Variants in COL19A1 observed in about 807,000 individuals in gnomAD.
The protein encoded by COL19A1 is collagen alpha-1(XIX) chain.
A neutral mutation model predicts 190.2 loss-of-function variants in COL19A1; 159 were observed. The observed-to-expected ratio is 0.84, with a 90% CI of 0.73 to 0.95. The LOEUF (loss-of-function observed/expected upper bound fraction) is 0.95. Among genes scored for constraint, COL19A1 ranks in the 40% least tolerant of loss-of-function variants. The pLI is 0.00. For synonymous variants in COL19A1, 509 were observed against 458.9 expected, an observed-to-expected ratio of 1.11 and a Z score of -1.39; for missense variants, 1,418 against 1,431.9, an observed-to-expected ratio of 0.99 and a Z score of 0.16.
chr6:70,007,747 A>C (rs1777724919), intron 11 of COL19A1, among the ~76,000 whole-genome samples: 1 of 151,904 alleles, frequency 6.6e-6, no homozygotes, highest in Non-Finnish European at 1.5e-5. Flanking sequence ...TTCATAAAAC[A>C]CTCCACCCAA....
intron 9 of COL19A1, among the ~76,000 whole-genome samples, chr6:69,958,971 T>C (rs1774600788): frequency 6.6e-6 from 1 of 152,234 alleles, no homozygotes; most frequent in African/African-American, 2.4e-5. Context: ...AAATTAATTG[T>C]AAATATTTGA....
At chr6:70,069,882 A>T (rs2095627749) in intron 15 of COL19A1, among the ~76,000 whole-genome samples, 1 of 152,114 alleles carries the variant, frequency 6.6e-6, no homozygotes, top group South Asian at 2.1e-4. Context: ...AAATGATTTG[A>T]ATCCTGTTTT....
At chr6:70,043,043 T>C (rs920304394) in intron 14 of COL19A1, among the ~76,000 whole-genome samples, 2 of 152,176 alleles carry the variant, frequency 1.3e-5, no homozygotes. Flanking sequence ...CTCTTCCAAA[T>C]TCCTGTTAAT....
At chr6:69,882,168 G>A (rs1768605069) in intron 2 of COL19A1, among the ~76,000 whole-genome samples, 1 of 152,044 alleles carries the variant, frequency 6.6e-6, no homozygotes, top group Non-Finnish European at 1.5e-5. Context: ...TTAACTCTAT[G>A]GTATGTTAAA....
Position 70,115,825 on chromosome 6 carries a change from G to GTTTTTTTTTTTT in COL19A1, c.1279-6049_1279-6038dup, listed in dbSNP as rs57814985. Reference sequence around the variant, plus strand: ...TTTTTGTTTTGTTTTTTGGTGTTTTGTTTTTTTTTTTTTTTTTGGTGGGGA... The same window carrying GTTTTTTTTTTTT: ...TTTTTGTTTTGTTTTTTGGTGTTTTGTTTTTTTTTTTTTTTTTTTTTTTTTTTTTGGTGGGGA... On this transcript the variant is annotated intron_variant, in intron 16 of 50. Coordinates refer to ENST00000620364, the MANE Select transcript of COL19A1 (RefSeq NM_001858.6). Among the ~76,000 whole-genome samples, 29 of 117,166 alleles carry GTTTTTTTTTTTT rather than the reference G, an allele frequency of 2.5e-4. 1 individual carries two copies. Among genetic ancestry groups the GTTTTTTTTTTTT allele is most frequent in the African/African-American group, 3.2e-4 (10 of 30,796 alleles). The allele number at this position is 117,166 out of a possible 152,430, so 76.9% of individuals were successfully genotyped here.
intron 2 of COL19A1, among the ~76,000 whole-genome samples, chr6:69,896,312 T>C (rs970015507): frequency 1.3e-5 from 2 of 148,356 alleles, no homozygotes; most frequent in Non-Finnish European, 3.0e-5. Flanking sequence ...CCGAGGCGGG[T>C]GGATCATGAG....
At chr6:69,927,849 G>A in intron 4 of COL19A1, 60 bp from the exon 5 acceptor site, 1 of 1,556,662 alleles carries the variant, frequency 6.4e-7, no homozygotes. Context: ...TTTATACCTA[G>A]ATTTTATTTT....
chr6:70,024,606 TGTGTGTGTGG>T (rs1156460164), intron 12 of COL19A1, among the ~76,000 whole-genome samples: 36 of 150,448 alleles, frequency 2.4e-4, no homozygotes, highest in Admixed American at 2.1e-3. Flanking sequence ...TGTGTGTGTG[TGTGTGTGTGG>T]GTGTGTGGGT....
rs569264165 is a variant in COL19A1, at chr6:70,081,434, T to G, written c.1224+12958T>G. On this transcript the variant is annotated intron_variant, in intron 15 of 50. Transcript: ENST00000620364. Reference sequence around the variant, plus strand: ...GAAGGATGAACAAATCTATAAAACTTTCTCAGATTTTATTACTGTTCATGT... The same window carrying G: ...GAAGGATGAACAAATCTATAAAACTGTCTCAGATTTTATTACTGTTCATGT... Among the ~76,000 whole-genome samples, 4 of 152,306 alleles carry G rather than the reference T, an allele frequency of 2.6e-5. No individual in the cohort carries two copies. In the East Asian group the frequency reaches 7.7e-4, roughly 29 times the overall value.
chr6:70,188,373 A>G (rs1468019536), intron 47 of COL19A1, 128 bp downstream of exon 47: 2 of 1,094,916 alleles, frequency 1.8e-6, no homozygotes, highest in Non-Finnish European at 2.5e-6. Context: ...TGAGGGCAAT[A>G]ATAGCTGTCA....
intron 48 of COL19A1, among the ~76,000 whole-genome samples, chr6:70,194,869 A>G (rs1767092047): frequency 6.6e-6 from 1 of 152,044 alleles, no homozygotes; most frequent in African/African-American, 2.4e-5. Context: ...GATTTGGGCT[A>G]AGTATTCCCG....
intron 2 of COL19A1, among the ~76,000 whole-genome samples, chr6:69,888,155 C>G (rs998969539): frequency 6.6e-6 from 1 of 152,162 alleles, no homozygotes; most frequent in African/African-American, 2.4e-5. Context: ...GTTCCAGTTG[C>G]ATTACCGTTT....
At chr6:70,155,837 T>C (rs1787396391) in intron 31 of COL19A1, among the ~76,000 whole-genome samples, 1 of 152,210 alleles carries the variant, frequency 6.6e-6, no homozygotes, top group African/African-American at 2.4e-5. Flanking sequence ...GACTTATGTG[T>C]CTTTTCCTTA....
chr6:70,193,532 C>G (rs144170988), intron 48 of COL19A1, among the ~76,000 whole-genome samples: 1 of 152,334 alleles, frequency 6.6e-6, no homozygotes, highest in East Asian at 1.9e-4. Flanking sequence ...TCTCTTCCAG[C>G]CTGGCCAGGT....
chr6:69,973,139 T>C (rs1775526777), intron 11 of COL19A1, among the ~76,000 whole-genome samples: 5 of 152,218 alleles, frequency 3.3e-5, no homozygotes, highest in Admixed American at 3.3e-4. Context: ...CAGTGCTGGG[T>C]ATAAAAGGGT....
At chr6:69,903,357 T>C (rs921674879) in intron 4 of COL19A1, among the ~76,000 whole-genome samples, 1 of 152,076 alleles carries the variant, frequency 6.6e-6, no homozygotes, top group African/African-American at 2.4e-5. Flanking sequence ...CTTCAAGACC[T>C]CTTGTAAATC....
intron 11 of COL19A1, among the ~76,000 whole-genome samples, chr6:69,996,661 T>G (rs1028612853): frequency 6.6e-6 from 1 of 152,150 alleles, no homozygotes; most frequent in African/African-American, 2.4e-5. Flanking sequence ...ATAATATTCC[T>G]TAGCTTACTG....
intron 11 of COL19A1, among the ~76,000 whole-genome samples, chr6:70,009,961 A>G (rs1777886559): frequency 6.6e-6 from 1 of 152,210 alleles, no homozygotes; most frequent in Non-Finnish European, 1.5e-5. Flanking sequence ...GGTAATAGAA[A>G]TAAATGTAAA....
chr6:70,171,840 C>A, intron 40 of COL19A1, 124 bp from the exon 41 acceptor site: 1 of 750,354 alleles, frequency 1.3e-6, no homozygotes, highest in South Asian at 1.6e-5. Context: ...ATATCATTTC[C>A]TTGCTAAATT....
Sources: gnomAD v4.1 joint callset for allele counts (sites outside exome capture counted in the v4.1 genomes callset) on GRCh38, gnomAD v4.1.1 for gene constraint, MANE v1.5 for transcripts, NCBI Gene and HGNC (gene_info 2026-07-23, HGNC 2026-07-21) for gene names.